ERC2: variants seen among roughly 807,000 people sequenced by gnomAD.
ERC2 encodes the protein ELKS/RAB6-interacting/CAST family member 2, also known as ERC protein 2.
ERC2 carries 42 observed loss-of-function variants against 114.8 expected under a neutral mutation model. That is an observed-to-expected ratio of 0.37 (90% CI 0.29 to 0.47). The LOEUF is 0.47. Among genes scored for constraint, ERC2 ranks in the 20% least tolerant of loss-of-function variants. ERC2 has a pLI of 0.99. For synonymous variants in ERC2, 454 were observed against 425.5 expected (o/e 1.07, Z -0.82); for missense variants, 939 against 1,150.7 (o/e 0.82, Z 2.66).
At chr3:55,857,687 C>T (rs1306754428) in intron 14 of ERC2, among the ~76,000 whole-genome samples, 1 of 152,102 alleles carries the variant, frequency 6.6e-6, no homozygotes, top group Non-Finnish European at 1.5e-5. Context: ...ATGATGATTA[C>T]AATTGTTTTA....
intron 3 of ERC2, among the ~76,000 whole-genome samples, chr3:56,270,443 G>A (rs967867876): frequency 2.0e-5 from 3 of 152,154 alleles, no homozygotes; most frequent in African/African-American, 7.2e-5. Context: ...ATGGAGGAAG[G>A]ATAGCCCATA....
intron 3 of ERC2, among the ~76,000 whole-genome samples, chr3:56,264,505 G>C (rs2053158159): frequency 6.6e-6 from 1 of 151,468 alleles, no homozygotes; most frequent in South Asian, 2.1e-4. Context: ...GCCAAGACAA[G>C]AGAATCTCTA....
intron 2 of ERC2, among the ~76,000 whole-genome samples, chr3:56,386,839 C>T (rs2059950554): frequency 6.6e-6 from 1 of 152,116 alleles, no homozygotes; most frequent in Non-Finnish European, 1.5e-5. Context: ...GATATAACAC[C>T]ATATGTAAGA....
chr3:55,757,769 C>T (rs1385584423), intron 14 of ERC2, among the ~76,000 whole-genome samples: 1 of 152,072 alleles, frequency 6.6e-6, no homozygotes, highest in East Asian at 1.9e-4. Context: ...TTACCACTTA[C>T]ATAAACATAA....
intron 14 of ERC2, among the ~76,000 whole-genome samples, chr3:55,807,301 C>T (rs1227069022): frequency 1.3e-5 from 2 of 152,114 alleles, no homozygotes; most frequent in Non-Finnish European, 2.9e-5. Context: ...AGACTATGTT[C>T]GTGCCAATAT....
chr3:56,437,523 A>G (rs1173646039), intron 1 of ERC2, among the ~76,000 whole-genome samples: 1 of 152,238 alleles, frequency 6.6e-6, no homozygotes, highest in African/African-American at 2.4e-5. Flanking sequence ...TTTCTGTCAC[A>G]GATAGTGACA....
chr3:55,676,449 T>TA (rs1468062994), intron 17 of ERC2, among the ~76,000 whole-genome samples: 13 of 148,540 alleles, frequency 8.8e-5, no homozygotes, highest in African/African-American at 2.7e-4. Flanking sequence ...TGCTTATTAT[T>TA]ATTATTATTA....
intron 17 of ERC2, among the ~76,000 whole-genome samples, chr3:55,529,580 T>C (rs1448464322): frequency 6.6e-6 from 1 of 152,152 alleles, no homozygotes; most frequent in Non-Finnish European, 1.5e-5. Context: ...TATATTTAAT[T>C]TATAATCACC....
chr3:56,451,041 T>C (rs1010550665), intron 1 of ERC2, among the ~76,000 whole-genome samples: 4 of 152,200 alleles, frequency 2.6e-5, no homozygotes, highest in African/African-American at 9.7e-5. Flanking sequence ...TTCAGATTCG[T>C]TTTTTAAACA....
chr3:55,584,467 G>A (rs544496300), intron 17 of ERC2, among the ~76,000 whole-genome samples: 44 of 152,142 alleles, frequency 2.9e-4, no homozygotes, highest in Admixed American at 6.5e-4. Flanking sequence ...TTGCCTCGCC[G>A]AGACTCAGAG....
intron 3 of ERC2, among the ~76,000 whole-genome samples, chr3:56,216,950 G>C (rs1197609554): frequency 1.3e-5 from 2 of 152,154 alleles, no homozygotes; most frequent in African/African-American, 4.8e-5. Flanking sequence ...AACACTTCAT[G>C]CTAAAAACTC....
At chr3:55,892,399 A>G (rs1320253191) in intron 13 of ERC2, among the ~76,000 whole-genome samples, 2 of 152,186 alleles carry the variant, frequency 1.3e-5, no homozygotes, top group Non-Finnish European at 2.9e-5. Context: ...ACACGCACCT[A>G]GAGTCCCAGC....
chr3:56,389,656 T>C (rs2060057888), intron 2 of ERC2, among the ~76,000 whole-genome samples: 1 of 152,184 alleles, frequency 6.6e-6, no homozygotes, highest in East Asian at 1.9e-4. Context: ...CCCAGAGGAC[T>C]TCAGCTAGAG....
At chr3:56,298,326 T>C (rs185807019) in intron 2 of ERC2, among the ~76,000 whole-genome samples, 24 of 152,330 alleles carry the variant, frequency 1.6e-4, no homozygotes, top group Admixed American at 4.6e-4. Context: ...GTAGTGTGCA[T>C]CTGTACTTCG....
chr3:56,111,687 T>G (rs2078973086), intron 6 of ERC2, among the ~76,000 whole-genome samples: 1 of 152,134 alleles, frequency 6.6e-6, no homozygotes, highest in East Asian at 1.9e-4. Context: ...TTCATAGGAT[T>G]TCAATACAAA....
chr3:55,762,072 G>A (rs192196701), intron 14 of ERC2, among the ~76,000 whole-genome samples: 8 of 151,526 alleles, frequency 5.3e-5, no homozygotes, highest in Admixed American at 4.6e-4. Flanking sequence ...CCAGCCATGT[G>A]GAACTGTGAG....
chr3:56,413,774 T>C (rs1235258746), intron 2 of ERC2, among the ~76,000 whole-genome samples: 2 of 152,220 alleles, frequency 1.3e-5, no homozygotes, highest in African/African-American at 4.8e-5. Flanking sequence ...TGAATGATAT[T>C]GCAGGTTTGA....
At chr3:56,443,334 G>A (rs1162329016) in intron 1 of ERC2, among the ~76,000 whole-genome samples, 1 of 152,190 alleles carries the variant, frequency 6.6e-6, no homozygotes, top group African/African-American at 2.4e-5. Context: ...CTGTACATCT[G>A]CTTCTTAACA....
intron 7 of ERC2, among the ~76,000 whole-genome samples, chr3:56,053,056 T>C (rs1289406180): frequency 1.3e-5 from 2 of 152,122 alleles, no homozygotes; most frequent in Non-Finnish European, 2.9e-5. Flanking sequence ...AAGTGACTGA[T>C]GAAAAACTCC....
Sources: gnomAD v4.1 joint callset for allele counts (sites outside exome capture counted in the v4.1 genomes callset) on GRCh38, gnomAD v4.1.1 for gene constraint, MANE v1.5 for transcripts, NCBI Gene and HGNC (gene_info 2026-07-23, HGNC 2026-07-21) for gene names.